The following ABCC9 variants were observed in gnomAD, a reference collection of about 807,000 sequenced individuals.
The protein encoded by ABCC9 is ATP binding cassette subfamily C member 9.
Under a neutral mutation model 188.3 loss-of-function variants are expected in ABCC9, and 95 were observed. The ratio of observed to expected loss-of-function variants is 0.50; its 90% CI spans 0.43 to 0.60. The LOEUF (loss-of-function observed/expected upper bound fraction) is 0.60, where lower values mean the gene tolerates loss of function less well. ABCC9 is among the 20% of genes least tolerant of loss of function. ABCC9 has a pLI of 0.00. For synonymous variants in ABCC9, 659 were observed against 652.7 expected (o/e 1.01, Z -0.15); for missense variants, 1,102 against 1,876.3 (o/e 0.59, Z 7.62).
Position 21,800,525 on chromosome 12 carries a change from C to G in ABCC9, c.*519G>C, listed in dbSNP as rs1283784. 0.028 allele frequency: 4,289 copies of G among 154,990 alleles called. 193 individuals carry two copies. Among genetic ancestry groups the G allele is most frequent in the African/African-American group, 0.097 (4,017 of 41,508 alleles). The allele number at this position is 154,990 out of a possible 1,614,324, so 9.6% of individuals were successfully genotyped here. ...GAAACAAAAGGGAAAAAAGAAGGCT[C>G]TTAAGAAAAATAGGTATTACTAATG... is the stretch of plus-strand genomic sequence containing the variant. On this transcript the variant is annotated 3_prime_UTR_variant, in exon 40 of 40. Transcript: ENST00000261200.
chr12:21,829,410 C>T (rs1390649286), intron 30 of ABCC9, among the ~76,000 whole-genome samples: 2 of 151,952 alleles, frequency 1.3e-5, no homozygotes, highest in Non-Finnish European at 2.9e-5. Context: ...ACCGTGTTAG[C>T]CAGGATGGTC....
At position 21,797,980 on chromosome 12, in the gene ABCC9, C is replaced by T. The variant is rs1941233625; in HGVS notation, c.*3064G>A. The T allele has an allele frequency of 6.6e-6, 1 of 151,962 alleles. No individual in the cohort carries two copies. Among genetic ancestry groups the T allele is most frequent in the Admixed American group, 6.6e-5 (1 of 15,256 alleles). 9.4% of individuals were successfully genotyped at this position (151,962 alleles called of 1,614,324 possible). Reference sequence around the variant, plus strand: ...GTACCTATATAGTCAAATATTATTTCAAGGTGAATCTTTTTATATTCAATA... The same window carrying T: ...GTACCTATATAGTCAAATATTATTTTAAGGTGAATCTTTTTATATTCAATA... On this transcript the variant is annotated 3_prime_UTR_variant, in exon 40 of 40. Coordinates refer to ENST00000261200, the MANE Select transcript of ABCC9 (RefSeq NM_020297.4).
rs1942938948 is a variant in ABCC9 at position 21,820,014 on chromosome 12, T to G, written c.3670-1763A>C. On this transcript the variant is annotated intron_variant, in intron 31 of 39. Coordinates refer to ENST00000261200, the MANE Select transcript of ABCC9 (RefSeq NM_020297.4). ...GATGCAGAGAATAACCAGTCTGGGC[T>G]GTTCTTCTGCAGTTTATACATGCCA... Among the ~76,000 whole-genome samples, 3 of 152,218 alleles carry G rather than the reference T, an allele frequency of 2.0e-5. No homozygotes were observed. In the South Asian group the frequency reaches 6.2e-4, roughly 32 times the overall value.
At chr12:21,904,080 G>C (rs372854729) in intron 12 of ABCC9, among the ~76,000 whole-genome samples, 1 of 152,090 alleles carries the variant, frequency 6.6e-6, no homozygotes, top group East Asian at 1.9e-4. Context: ...CCAAAACAGA[G>C]ATATAGACCA....
intron 3 of ABCC9, among the ~76,000 whole-genome samples, chr12:21,934,796 G>T (rs552403635): frequency 5.9e-5 from 9 of 152,026 alleles, no homozygotes; most frequent in African/African-American, 2.2e-4. Context: ...TTGAAATACT[G>T]CAGGAAAGAA....
chr12:21,906,002 T>G, intron 12 of ABCC9, 124 bp downstream of exon 12: 1 of 1,128,242 alleles, frequency 8.9e-7, no homozygotes, highest in South Asian at 1.3e-5. Flanking sequence ...AGCACGTGTT[T>G]AGAAAATAAA....
chr12:21,818,177 TACCA>T lies in ABCC9; in HGVS notation c.3740_3743del (p.Leu1247Ter). 1 of 1,613,856 alleles carries T rather than the reference TACCA, an allele frequency of 6.2e-7. No homozygotes were observed. Among genetic ancestry groups the T allele is most frequent in the Non-Finnish European group, 8.5e-7 (1 of 1,179,800 alleles). Reference sequence around the variant, plus strand: ...TAAGTGCATACAGAAGACCCAAGCCTACCAATCCAGAATTCGAAGACCCACTAAT... The same window carrying T: ...TAAGTGCATACAGAAGACCCAAGCCTATCCAGAATTCGAAGACCCACTAAT... On this transcript the variant is annotated frameshift_variant, in exon 32 of 40. Coordinates refer to ENST00000261200, the MANE Select transcript of ABCC9 (RefSeq NM_020297.4). LOFTEE classifies it high-confidence loss of function.
chr12:21,866,220 G>T (rs1221373545), intron 18 of ABCC9, among the ~76,000 whole-genome samples: 2 of 134,516 alleles, frequency 1.5e-5, no homozygotes, highest in Non-Finnish European at 3.3e-5. Flanking sequence ...ATAATGAAGG[G>T]GCTCATAATC....
chr12:21,909,299 A>G (rs1948204218), intron 10 of ABCC9, among the ~76,000 whole-genome samples: 1 of 151,984 alleles, frequency 6.6e-6, no homozygotes, highest in Non-Finnish European at 1.5e-5. Context: ...TTCTATTAAA[A>G]AATGAAAAGG....
intron 31 of ABCC9, among the ~76,000 whole-genome samples, chr12:21,827,695 A>G (rs1943469493): frequency 6.6e-6 from 1 of 152,198 alleles, no homozygotes; most frequent in South Asian, 2.1e-4. Context: ...TTATTTATCT[A>G]TACGTAATTC....
chr12:21,929,941 G>T (rs1038860243), intron 4 of ABCC9, among the ~76,000 whole-genome samples: 1 of 151,556 alleles, frequency 6.6e-6, no homozygotes, highest in Non-Finnish European at 1.5e-5. Context: ...CTATTAACTC[G>T]TCATTTACAT....
At chr12:21,830,816 C>G (rs1943710719) in intron 30 of ABCC9, among the ~76,000 whole-genome samples, 1 of 152,158 alleles carries the variant, frequency 6.6e-6, no homozygotes, top group Admixed American at 6.5e-5. Context: ...ACAGGAGGAC[C>G]TGGCCTGAAT....
At chr12:21,905,575 T>C (rs760891207) in intron 12 of ABCC9, among the ~76,000 whole-genome samples, 8 of 151,918 alleles carry the variant, frequency 5.3e-5, no homozygotes, top group Non-Finnish European at 1.0e-4. Flanking sequence ...TGCAAAATAA[T>C]AATAAAAGCG....
intron 12 of ABCC9, among the ~76,000 whole-genome samples, chr12:21,896,544 A>G (rs563568540): frequency 2.6e-5 from 4 of 152,272 alleles, no homozygotes; most frequent in African/African-American, 9.6e-5. Flanking sequence ...TTAAGCCCAG[A>G]TGCATTAGCT....
chr12:21,914,789 T>C (rs1948466437), intron 7 of ABCC9, among the ~76,000 whole-genome samples: 1 of 152,130 alleles, frequency 6.6e-6, no homozygotes, highest in Admixed American at 6.6e-5. Flanking sequence ...GTATACTTCA[T>C]TGGCTCTTCC....
In ABCC9 at chr12:21,883,259, C is replaced by T. The variant is rs112554291; in HGVS notation, c.1912-386G>A. ...GTCAAACTAGAATCCATCTGTTAGG[C>T]TATGATATGGTTTGGCTGTTGCGGG... On this transcript the variant is annotated intron_variant, in intron 15 of 39. Transcript: ENST00000261200. Among the ~76,000 whole-genome samples the T allele has an allele frequency of 4.6e-5, 7 of 152,272 alleles. 1 individual carries two copies. The highest frequency in any genetic ancestry group is 1.7e-4 in the African/African-American group (7 of 41,550).
At chr12:21,852,326 C>T in intron 23 of ABCC9, 42 bp downstream of exon 23, 1 of 1,612,042 alleles carries the variant, frequency 6.2e-7, no homozygotes, top group African/African-American at 1.3e-5. Context: ...ATTTATATGA[C>T]TATAATATAA....
chr12:21,928,420 GAAGA>G (rs1399339468), intron 4 of ABCC9, among the ~76,000 whole-genome samples: 1 of 144,456 alleles, frequency 6.9e-6, no homozygotes, highest in Non-Finnish European at 1.5e-5. Flanking sequence ...AGGAAGGAAA[GAAGA>G]AAGAAAAAAA....
At chr12:21,910,419 A>G in intron 9 of ABCC9, 107 bp from the exon 10 acceptor site, 1 of 1,182,770 alleles carries the variant, frequency 8.5e-7, no homozygotes. Context: ...TTGAGAAAAA[A>G]GAAAAGAAAA....
Sources: allele counts gnomAD v4.1 joint callset (sites outside exome capture counted in the v4.1 genomes callset), GRCh38; gene constraint gnomAD v4.1.1; transcripts MANE v1.5; gene names NCBI Gene and HGNC (gene_info 2026-07-23, HGNC 2026-07-21).